Variants in ADAM12 observed in about 807,000 individuals in gnomAD.
The protein encoded by ADAM12 is disintegrin and metalloproteinase domain-containing protein 12.
In ADAM12, 70 loss-of-function variants were observed where a neutral mutation model predicts 106.4. The observed-to-expected ratio is 0.66, with a 90% CI of 0.54 to 0.80. The LOEUF (loss-of-function observed/expected upper bound fraction) is 0.80. Ranked by LOEUF, ADAM12 falls within the 30% of genes least tolerant of loss-of-function variation. The pLI is 0.00. For missense variants in ADAM12, 1,010 were observed against 1,171.9 expected, an observed-to-expected ratio of 0.86 and a Z score of 2.02; for synonymous variants, 420 against 433.5, an observed-to-expected ratio of 0.97 and a Z score of 0.39.
At position 126,019,845 on chromosome 10, in the gene ADAM12, AG is replaced by A; in HGVS notation, c.2530-21del. The A allele has an allele frequency of 3.7e-6, 6 of 1,604,476 alleles. No individual in the cohort carries two copies. The highest frequency in any genetic ancestry group is 5.1e-6 in the Non-Finnish European group (6 of 1,174,854). ...GGTCCCCTGCAATAAACATAGGGTTAGGCAGGGTCACTTACCAGGAGCCAGC... is the reference window on the plus strand; with the variant it reads ...GGTCCCCTGCAATAAACATAGGGTTAGCAGGGTCACTTACCAGGAGCCAGC... On this transcript the variant is annotated intron_variant, in intron 21 of 22. Transcript: ENST00000448723.
chr10:126,219,638 T>A (rs946777694), intron 3 of ADAM12, among the ~76,000 whole-genome samples: 1 of 152,222 alleles, frequency 6.6e-6, no homozygotes, highest in African/African-American at 2.4e-5. Flanking sequence ...ATAATTGACA[T>A]AGATATGTTG....
At position 126,017,243 on chromosome 10, in the gene ADAM12, C is replaced by T. The variant is rs1294997749; in HGVS notation, c.*36G>A. The stretch of plus-strand genomic sequence containing the variant: ...AACTGGAGCTGAAAGATAGTGCAAA[C>T]TTCTGTCTTCACTGTTGAAAAAAGG... On this transcript the variant is annotated 3_prime_UTR_variant, in exon 23 of 23. Transcript: ENST00000448723. 3 of 1,547,034 alleles carry T rather than the reference C, an allele frequency of 1.9e-6. No homozygotes were observed. In the African/African-American group the frequency reaches 4.1e-5, roughly 21 times the overall value.
rs543655414 is a variant in ADAM12 at position 126,175,033 on chromosome 10, G to A, written c.261-19728C>T. 1.1e-4 allele frequency among the ~76,000 whole-genome samples: 17 copies of A among 152,298 alleles called. 1 individual carries two copies. In the South Asian group the frequency reaches 3.3e-3, roughly 30 times the overall value. On this transcript the variant is annotated intron_variant, in intron 3 of 22. Transcript: ENST00000448723. Reference sequence around the variant, plus strand: ...GGCCTCCCAAAGTGCTGGGATTACAGGCATGAGCCACCGCGCCCGGCCACC... The same window carrying A: ...GGCCTCCCAAAGTGCTGGGATTACAAGCATGAGCCACCGCGCCCGGCCACC...
At chr10:126,089,621 C>T (rs2133552926) in intron 11 of ADAM12, among the ~76,000 whole-genome samples, 1 of 152,296 alleles carries the variant, frequency 6.6e-6, no homozygotes, top group African/African-American at 2.4e-5. Flanking sequence ...TGATGTCCCG[C>T]TGCTCTGCAG....
At chr10:126,182,501 T>C (rs999891704) in intron 3 of ADAM12, among the ~76,000 whole-genome samples, 4 of 152,214 alleles carry the variant, frequency 2.6e-5, no homozygotes, top group African/African-American at 9.6e-5. Context: ...TTTCAAAGTA[T>C]CCTTTGTAGA....
Position 126,043,603 on chromosome 10 carries a change from C to G in ADAM12, c.1996-455G>C, listed in dbSNP as rs899472040. The stretch of plus-strand genomic sequence containing the variant: ...CCCTGTCTCCTTCAGACAGAAGGCT[C>G]AGAGAGGCTGGTGACTGCCGGGTCC... On this transcript the variant is annotated intron_variant, in intron 17 of 22. Transcript: ENST00000448723. This position sits in a 1 kb window ranked among gnomAD's most constrained non-coding sequence, Gnocchi z 4.1. Among the ~76,000 whole-genome samples, 1 of 152,216 alleles carries G rather than the reference C, an allele frequency of 6.6e-6. No individual in the cohort carries two copies. The highest frequency in any genetic ancestry group is 2.4e-5 in the African/African-American group (1 of 41,466).
At chr10:126,100,550 A>AT (rs1291862170) in intron 9 of ADAM12, among the ~76,000 whole-genome samples, 2 of 151,568 alleles carry the variant, frequency 1.3e-5, no homozygotes, top group Non-Finnish European at 2.9e-5. Flanking sequence ...AAAAAAAAAA[A>AT]AAAAAAATAC....
chr10:126,118,376 C>T, intron 5 of ADAM12, 152 bp from the exon 6 acceptor site: 1 of 604,170 alleles, frequency 1.7e-6, no homozygotes, highest in Non-Finnish European at 2.8e-6. Context: ...GTTTCTGTGA[C>T]ATATGTTTGC....
At chr10:126,027,313 C>T (rs1953892302) in intron 21 of ADAM12, among the ~76,000 whole-genome samples, 2 of 152,132 alleles carry the variant, frequency 1.3e-5, no homozygotes, top group Non-Finnish European at 2.9e-5. Flanking sequence ...AGAGCTGGTA[C>T]CATTTCTACT....
At position 126,071,542 on chromosome 10, in the gene ADAM12, C is replaced by CG; in HGVS notation, c.1257dup (p.Gly420ArgfsTer17). On this transcript the variant is annotated frameshift_variant, in exon 12 of 23. Transcript: ENST00000448723. LOFTEE classifies it high-confidence loss of function. ...AATCTGTTCCCACACTTCTGGCCCC[C>CG]GAAAGACTCCCTGACTTCCGGCAGG... is the stretch of plus-strand genomic sequence containing the variant. 1 of 1,614,162 alleles carries CG rather than the reference C, an allele frequency of 6.2e-7. No homozygotes were observed. Among genetic ancestry groups the CG allele is most frequent in the South Asian group, 1.1e-5 (1 of 91,072 alleles).
intron 11 of ADAM12, among the ~76,000 whole-genome samples, chr10:126,077,781 T>G (rs1233032264): frequency 1.3e-5 from 2 of 152,196 alleles, no homozygotes; most frequent in East Asian, 3.8e-4. Context: ...GTGTTTTTCA[T>G]AAGAACTCCA....
chr10:126,216,232 G>T (rs773045888), intron 3 of ADAM12, among the ~76,000 whole-genome samples: 5 of 152,186 alleles, frequency 3.3e-5, no homozygotes, highest in Non-Finnish European at 7.3e-5. Flanking sequence ...CATCCCAGCA[G>T]TATTTAAGTG....
chr10:126,207,568 G>A (rs1225333650), intron 3 of ADAM12, among the ~76,000 whole-genome samples: 1 of 152,186 alleles, frequency 6.6e-6, no homozygotes, highest in African/African-American at 2.4e-5. Flanking sequence ...CCAGGACCTT[G>A]TCTGTTACTA....
At chr10:126,314,517 C>T (rs1961261886) in intron 2 of ADAM12, among the ~76,000 whole-genome samples, 1 of 152,122 alleles carries the variant, frequency 6.6e-6, no homozygotes, top group Non-Finnish European at 1.5e-5. Context: ...GGAGCACCCT[C>T]CACTCATAAA....
intron 4 of ADAM12, among the ~76,000 whole-genome samples, chr10:126,151,452 G>C (rs1956727506): frequency 6.6e-6 from 1 of 152,110 alleles, no homozygotes; most frequent in Non-Finnish European, 1.5e-5. Context: ...GCATTCCTCA[G>C]TTGAGTATAA....
chr10:126,014,913 G>C lies in ADAM12; in HGVS notation c.*2366C>G, dbSNP rs1044780095. 6.6e-6 allele frequency: 1 copy of C among 151,652 alleles called. No individual in the cohort carries two copies. The highest frequency in any genetic ancestry group is 1.5e-5 in the Non-Finnish European group (1 of 67,972). The allele number at this position is 151,652 out of a possible 1,614,324, so 9.4% of individuals were successfully genotyped here. A position where few individuals can be genotyped will look rare whatever the true frequency, so the allele number is the denominator to read the frequency against. The stretch of plus-strand genomic sequence containing the variant: ...GATATAAAAAAGAATACTCCACCCC[G>C]TGCCTCCCCCAACCACAAAACACCC... On this transcript the variant is annotated 3_prime_UTR_variant, in exon 23 of 23. Coordinates refer to ENST00000448723, the MANE Select transcript of ADAM12 (RefSeq NM_001288973.2).
At chr10:126,251,619 T>TGGG (rs1958758144) in intron 3 of ADAM12, among the ~76,000 whole-genome samples, 5 of 38,644 alleles carry the variant, frequency 1.3e-4, no homozygotes, top group Admixed American at 2.7e-4. Context: ...GATGCATGGA[T>TGGG]AGATGAATGG....
At chr10:126,069,689 G>C (rs1255236035) in intron 12 of ADAM12, among the ~76,000 whole-genome samples, 1 of 152,230 alleles carries the variant, frequency 6.6e-6, no homozygotes, top group African/African-American at 2.4e-5. Flanking sequence ...TAGCGATGTG[G>C]ATACTGGTGT....
intron 3 of ADAM12, among the ~76,000 whole-genome samples, chr10:126,239,630 A>G (rs1047719195): frequency 6.6e-6 from 1 of 152,246 alleles, no homozygotes; most frequent in Non-Finnish European, 1.5e-5. Flanking sequence ...AGAAAAAAAA[A>G]TCATCTTAAG....
Sources: allele counts gnomAD v4.1 joint callset (sites outside exome capture counted in the v4.1 genomes callset), GRCh38; gene constraint gnomAD v4.1.1; non-coding constraint Gnocchi (gnomAD v3.1); transcripts MANE v1.5; gene names NCBI Gene and HGNC (gene_info 2026-07-23, HGNC 2026-07-21).